ADPRHL1: variants seen among roughly 807,000 people sequenced by gnomAD.
ADPRHL1 encodes the protein ADP-ribosylhydrolase like 1, also known as inactive ADP-ribosyltransferase ARH2.
ADPRHL1 carries 43 observed loss-of-function variants against 44.1 expected under a neutral mutation model. That is an observed-to-expected ratio of 0.98 (90% CI 0.76 to 1.26). ADPRHL1 has a LOEUF of 1.26. Among genes scored for constraint, ADPRHL1 ranks in the 50% most tolerant of loss-of-function variants. ADPRHL1 has a pLI of 0.00. For synonymous variants in ADPRHL1, 878 were observed against 1,017.4 expected (o/e 0.86, Z 2.61); for missense variants, 2,022 against 2,496.9 (o/e 0.81, Z 4.05).
At position 113,399,965 on chromosome 13, in the gene ADPRHL1, C is replaced by T. The variant is rs1417719921; in HGVS notation, c.*3413G>A. On this transcript the variant is annotated 3_prime_UTR_variant, in exon 8 of 8. Transcript: ENST00000612156. The stretch of plus-strand genomic sequence containing the variant: ...TTCCTGCCGCCTGAGTGCACCGCCT[C>T]CCGCCCGGCTGTTGTCACTTGCACC... 1.3e-5 allele frequency: 2 copies of T among 151,716 alleles called. No homozygotes were observed. Among genetic ancestry groups the T allele is most frequent in the Admixed American group, 1.3e-4 (2 of 15,206 alleles). 9.4% of individuals were successfully genotyped at this position (151,716 alleles called of 1,614,324 possible).
chr13:113,412,818 A>AG (rs1285936405), intron 7 of ADPRHL1, among the ~76,000 whole-genome samples: 48 of 90,318 alleles, frequency 5.3e-4, no homozygotes, highest in East Asian at 1.3e-3. Flanking sequence ...CACCCCGCAG[A>AG]ACTCGGTTCA....
At chr13:113,430,363 C>G (rs979107702) in intron 3 of ADPRHL1, among the ~76,000 whole-genome samples, 1 of 152,256 alleles carries the variant, frequency 6.6e-6, no homozygotes, top group Admixed American at 6.5e-5. Context: ...GCTCTCTCCT[C>G]TCACTGCTAG....
intron 1 of ADPRHL1, among the ~76,000 whole-genome samples, chr13:113,444,905 G>A (rs956666351): frequency 5.9e-5 from 9 of 152,180 alleles, no homozygotes; most frequent in African/African-American, 1.4e-4. Context: ...TTACAGGCGT[G>A]AGCCACTGCA....
At chr13:113,421,423 T>A (rs1223768566) in intron 7 of ADPRHL1, among the ~76,000 whole-genome samples, 7 of 37,668 alleles carry the variant, frequency 1.9e-4, no homozygotes, top group South Asian at 8.4e-4. Flanking sequence ...CGTCTACCCC[T>A]GGGGACACCC....
intron 1 of ADPRHL1, among the ~76,000 whole-genome samples, chr13:113,449,793 C>T (rs557240417): frequency 6.6e-6 from 1 of 152,318 alleles, no homozygotes; most frequent in East Asian, 1.9e-4. Flanking sequence ...TGCTGAAGAG[C>T]CCCTGCACAC....
chr13:113,439,274 C>T (rs2044081376), intron 2 of ADPRHL1, among the ~76,000 whole-genome samples: 1 of 151,992 alleles, frequency 6.6e-6, no homozygotes, highest in African/African-American at 2.4e-5. Context: ...AGGTGTGCAC[C>T]ACCACGCCCA....
Position 113,441,852 on chromosome 13 carries a change from G to T in ADPRHL1, c.379+2573C>A, listed in dbSNP as rs180836252. On this transcript the variant is annotated intron_variant, in intron 2 of 7. Coordinates refer to ENST00000612156, the MANE Select transcript of ADPRHL1 (RefSeq NM_001394807.1). This position sits in a 1 kb window ranked among gnomAD's most constrained non-coding sequence, Gnocchi z 6.0. ...TCTGTCACGTTGTGTCCCGCCGCGTGGGTCCGTGTCACTATCACACTCTGT... is the reference window on the plus strand; with the variant it reads ...TCTGTCACGTTGTGTCCCGCCGCGTTGGTCCGTGTCACTATCACACTCTGT... 4.1e-3 allele frequency among the ~76,000 whole-genome samples: 619 copies of T among 152,222 alleles called. 1 individual carries two copies. The highest frequency in any genetic ancestry group is 0.014 in the African/African-American group (596 of 41,532).
In ADPRHL1 at chr13:113,401,044, A is replaced by T. The variant is rs1463063124; in HGVS notation, c.*2334T>A. 2 of 152,212 alleles carry T rather than the reference A, an allele frequency of 1.3e-5. No homozygotes were observed. The highest frequency in any genetic ancestry group is 1.9e-4 in the East Asian group (1 of 5,196). The allele number at this position is 152,212 out of a possible 1,614,324, so 9.4% of individuals were successfully genotyped here. A position where few individuals can be genotyped will look rare whatever the true frequency, so the allele number is the denominator to read the frequency against. ...CATATTTTTACCTCCCGTGTCTGTC[A>T]TCATGTTCTTGCCACTCATTGCCTC... On this transcript the variant is annotated 3_prime_UTR_variant, in exon 8 of 8. Transcript: ENST00000612156. The surrounding 1 kb of genome is among the most constrained non-coding windows in gnomAD (Gnocchi z 5.5).
chr13:113,410,967 C>T (rs796092504), intron 7 of ADPRHL1, among the ~76,000 whole-genome samples: 8 of 152,350 alleles, frequency 5.3e-5, no homozygotes, highest in Admixed American at 2.0e-4. Flanking sequence ...GCCTGTCACA[C>T]GTTTTGTCCC....
At chr13:113,411,739 G>A (rs971377476) in intron 7 of ADPRHL1, among the ~76,000 whole-genome samples, 1 of 152,266 alleles carries the variant, frequency 6.6e-6, no homozygotes, top group African/African-American at 2.4e-5. Flanking sequence ...CCTCAGCCAT[G>A]GACCTGTGGC....
rs187672660 is a variant in ADPRHL1 at position 113,418,538 on chromosome 13, G to A, written c.1061+4288C>T. On this transcript the variant is annotated intron_variant, in intron 7 of 7. Transcript: ENST00000612156. ...CTCTAATCAAAGAGTTTGGGAAAAC[G>A]GATTCATCTAAATCAGCCTGAAGTC... 3.9e-5 allele frequency among the ~76,000 whole-genome samples: 6 copies of A among 152,282 alleles called. No homozygotes were observed. The East Asian group carries it at 7.7e-4, about 20-fold the overall frequency.
In ADPRHL1 at chr13:113,405,822, C is replaced by A. The variant is rs1046461487; in HGVS notation, c.3460G>T (p.Ala1154Ser). The A allele has an allele frequency of 4.5e-5, 55 of 1,231,726 alleles. No homozygotes were observed. The highest frequency in any genetic ancestry group is 5.4e-5 in the Non-Finnish European group (53 of 988,022). 76.3% of individuals were successfully genotyped at this position (1,231,726 alleles called of 1,614,324 possible). A position where few individuals can be genotyped will look rare whatever the true frequency, so the allele number is the denominator to read the frequency against. The change falls in exon 8 of 8, where the codon GCC becomes TCC. Residue 1154 changes from alanine (A) to serine (S), a missense_variant. Coordinates refer to ENST00000612156, the MANE Select transcript of ADPRHL1 (RefSeq NM_001394807.1). ...PETLGQWGSR[A>S]LSESHPRGEA... ...CCTCTGGGGTGGCTTTCGGACAAGGCTCTGCTTCCCCACTGGCCCAGCGTC... is the reference window on the plus strand; with the variant it reads ...CCTCTGGGGTGGCTTTCGGACAAGGATCTGCTTCCCCACTGGCCCAGCGTC...
chr13:113,400,695 C>G lies in ADPRHL1; in HGVS notation c.*2683G>C, dbSNP rs2139584406. The G allele has an allele frequency of 6.6e-6, 1 of 152,400 alleles. No homozygotes were observed. The highest frequency in any genetic ancestry group is 2.4e-5 in the African/African-American group (1 of 41,572). The allele number at this position is 152,400 out of a possible 1,614,324, so 9.4% of individuals were successfully genotyped here. Reference sequence around the variant, plus strand: ...CCGTTCTCAAATCCTGGTGAAGTCACTGGCAGTTTTTTCCTGCACACAGAG... The same window carrying G: ...CCGTTCTCAAATCCTGGTGAAGTCAGTGGCAGTTTTTTCCTGCACACAGAG... On this transcript the variant is annotated 3_prime_UTR_variant, in exon 8 of 8. Coordinates refer to ENST00000612156, the MANE Select transcript of ADPRHL1 (RefSeq NM_001394807.1).
Position 113,406,790 on chromosome 13 carries a change from G to A in ADPRHL1, c.2492C>T (p.Ala831Val). Residue 831 changes from alanine to valine, a missense_variant, in exon 8 of 8, where the codon GCT becomes GTT. Physicochemically the swap from Ala to Val is moderately conservative, Grantham distance 64. Transcript: ENST00000612156. ...PPLNAPSVQAARRTQPATEPP... is the reference protein window; with the variant it reads ...PPLNAPSVQAVRRTQPATEPP... ...CTCCGTGGCAGGCTGTGTTCTCCGAGCAGCCTGGACCGATGGAGCGTTCAG... is the reference window on the plus strand; with the variant it reads ...CTCCGTGGCAGGCTGTGTTCTCCGAACAGCCTGGACCGATGGAGCGTTCAG... 8.1e-7 allele frequency: 1 copy of A among 1,232,028 alleles called. No homozygotes were observed. 76.3% of individuals were successfully genotyped at this position (1,232,028 alleles called of 1,614,324 possible).
At chr13:113,423,843 G>T (rs560800404) in intron 6 of ADPRHL1, among the ~76,000 whole-genome samples, 161 of 152,348 alleles carry the variant, frequency 1.1e-3, no homozygotes, top group African/African-American at 3.7e-3. Flanking sequence ...GGAACCCTGT[G>T]AAGGTGGCCA....
rs546248843 is a variant in ADPRHL1, at chr13:113,453,292, G to T, written c.146C>A (p.Ser49Ter). 8 of 1,614,066 alleles carry T rather than the reference G, an allele frequency of 5.0e-6. No individual in the cohort carries two copies. The South Asian group carries it at 6.6e-5, about 13-fold the overall frequency. ...GTCACTCACGGGCCATTCTCCTGGC[G>T]AGAGTACGAGGTGGTCCAGGCCCCC... ...RSGGLDHLVL[S>*]PGEWPVSDNT... The change falls in exon 1 of 8, where the codon TCG (serine) becomes TAG (stop). Residue 49 changes from serine to a stop codon, truncating the protein, a stop_gained. Transcript: ENST00000612156. LOFTEE classifies it high-confidence loss of function. The surrounding 1 kb of genome is among the most constrained non-coding windows in gnomAD (Gnocchi z 5.4).
chr13:113,417,159 C>T (rs2043891125), intron 7 of ADPRHL1, among the ~76,000 whole-genome samples: 1 of 152,228 alleles, frequency 6.6e-6, no homozygotes, highest in Non-Finnish European at 1.5e-5. Context: ...ACCAGCACCC[C>T]ACTGGCAGGG....
chr13:113,443,645 A>G (rs576116223), intron 2 of ADPRHL1, among the ~76,000 whole-genome samples: 2 of 151,386 alleles, frequency 1.3e-5, no homozygotes, highest in African/African-American at 4.9e-5. Flanking sequence ...ATAAATGATT[A>G]AAAAAAATTT....
intron 1 of ADPRHL1, among the ~76,000 whole-genome samples, chr13:113,447,445 G>T (rs1261458411): frequency 4.0e-5 from 6 of 151,096 alleles, no homozygotes; most frequent in Admixed American, 2.0e-4. Flanking sequence ...TACACTCATG[G>T]TGGTGTGTGT....
Sources: allele counts gnomAD v4.1 joint callset (sites outside exome capture counted in the v4.1 genomes callset), GRCh38; gene constraint gnomAD v4.1.1; non-coding constraint Gnocchi (gnomAD v3.1); transcripts MANE v1.5; gene names NCBI Gene and HGNC (gene_info 2026-07-23, HGNC 2026-07-21).